Variants in ZNF233 observed in about 807,000 individuals in gnomAD.
ZNF233 encodes zinc finger protein 233.
In ZNF233, 7 loss-of-function variants were observed where a neutral mutation model predicts 11.6. That is an observed-to-expected ratio of 0.60 (90% CI 0.34 to 1.13). The LOEUF is 1.13. Ranked by LOEUF, ZNF233 falls within the 50% of genes most tolerant of loss-of-function variation. ZNF233 has a pLI of 0.03. For synonymous variants in ZNF233, 226 were observed against 268.5 expected (o/e 0.84, Z 1.55); for missense variants, 711 against 785.5 (o/e 0.91, Z 1.13).
rs1248084342 is a variant in ZNF233 at position 44,274,814 on chromosome 19, T to A, written c.*141T>A. On this transcript the variant is annotated 3_prime_UTR_variant, in exon 5 of 5. Coordinates refer to ENST00000683810, the MANE Select transcript of ZNF233 (RefSeq NM_001207005.2). Reference sequence around the variant, plus strand: ...TAAGAATTCATGAGCTGAGTTTTTATAGTTATCTGAATTCCATTGAAGAAA... The same window carrying A: ...TAAGAATTCATGAGCTGAGTTTTTAAAGTTATCTGAATTCCATTGAAGAAA... 5.6e-6 allele frequency: 4 copies of A among 718,322 alleles called. No individual in the cohort carries two copies. Among genetic ancestry groups the A allele is most frequent in the Non-Finnish European group, 8.5e-6 (4 of 470,422 alleles). The allele number at this position is 718,322 out of a possible 1,614,324, so 44.5% of individuals were successfully genotyped here.
chr19:44,273,948 G>C lies in ZNF233; in HGVS notation c.1288G>C (p.Val430Leu), dbSNP rs143616812. 41 of 1,613,682 alleles carry C rather than the reference G, an allele frequency of 2.5e-5. No homozygotes were observed. Among genetic ancestry groups the C allele is most frequent in the Non-Finnish European group, 3.4e-5 (40 of 1,179,876 alleles). The part of the protein sequence containing the change: ...HSRDKTYKWE[V>L]SDRIFNRNSG... ...TAGAGACAAGACATACAAATGGGAA[G>C]TAAGTGACAGGATATTTAATAGGAA... The change falls in exon 5 of 5, where the codon GTA becomes CTA. Residue 430 changes from valine to leucine, a missense_variant. Transcript: ENST00000683810.
chr19:44,274,220 C>A lies in ZNF233; in HGVS notation c.1560C>A (p.Ile520=), dbSNP rs761620973. 6.2e-7 allele frequency: 1 copy of A among 1,605,792 alleles called. No homozygotes were observed. Among genetic ancestry groups the A allele is most frequent in the South Asian group, 1.1e-5 (1 of 90,696 alleles). ...CATGTGGGAAGGACTTCAGTCAGAT[C>A]TCTCATCTTCAGGCCCATCAGAGAG... is the stretch of plus-strand genomic sequence containing the variant. ...CDTCGKDFSQ[I]SHLQAHQRVH... is the part of the protein sequence containing the mutation. Residue 520 remains isoleucine (I), a synonymous_variant, in exon 5 of 5, where the codon ATC becomes ATA. Coordinates refer to ENST00000683810, the MANE Select transcript of ZNF233 (RefSeq NM_001207005.2).
intron 3 of ZNF233, among the ~76,000 whole-genome samples, 153 bp downstream of exon 3, chr19:44,266,477 T>C (rs142035331): frequency 6.6e-6 from 1 of 152,336 alleles, no homozygotes; most frequent in East Asian, 1.9e-4. Flanking sequence ...ACCTTGTCTA[T>C]TTTTCTCAAA....
intron 1 of ZNF233, 21 bp downstream of exon 1, chr19:44,259,959 T>A (rs547473178): frequency 2.0e-4 from 90 of 454,802 alleles, no homozygotes; most frequent in African/African-American, 1.6e-3. Flanking sequence ...GCGGAACCTC[T>A]GCATCTACGG....
intron 1 of ZNF233, among the ~76,000 whole-genome samples, chr19:44,261,871 C>T (rs954643956): frequency 1.3e-5 from 2 of 151,998 alleles, no homozygotes; most frequent in African/African-American, 2.4e-5. Flanking sequence ...AGGCTGGTCT[C>T]GAACTCGTGA....
At chr19:44,270,241 G>A (rs1975199691) in intron 4 of ZNF233, among the ~76,000 whole-genome samples, 1 of 151,746 alleles carries the variant, frequency 6.6e-6, no homozygotes, top group Admixed American at 6.6e-5. Flanking sequence ...AGTTGTGGTG[G>A]CTCACGCCTG....
intron 4 of ZNF233, among the ~76,000 whole-genome samples, chr19:44,268,571 A>G (rs1314721223): frequency 2.6e-5 from 4 of 152,200 alleles, no homozygotes; most frequent in African/African-American, 9.6e-5. Flanking sequence ...CGAATGAGTG[A>G]CTGAATGAGT....
At position 44,274,044 on chromosome 19, in the gene ZNF233, A is replaced by G; in HGVS notation, c.1384A>G (p.Ser462Gly). 6.3e-7 allele frequency: 1 copy of G among 1,597,982 alleles called. No individual in the cohort carries two copies. Among genetic ancestry groups the G allele is most frequent in the Non-Finnish European group, 8.5e-7 (1 of 1,179,438 alleles). ...YKCEVCDKGF[S>G]KASNLQAHQR... ...ATGTGAGGTATGTGATAAGGGCTTC[A>G]GTAAGGCCTCAAATCTTCAAGCCCA... The change falls in exon 5 of 5, where the codon AGT becomes GGT. Residue 462 changes from serine to glycine, a missense_variant. Coordinates refer to ENST00000683810, the MANE Select transcript of ZNF233 (RefSeq NM_001207005.2).
intron 1 of ZNF233, chr19:44,260,292 TTAAGA>T (rs1283843981): frequency 6.3e-6 from 1 of 159,632 alleles, no homozygotes; most frequent in Admixed American, 6.5e-5. Flanking sequence ...TGAGATTTAC[TTAAGA>T]TAAATAGATG....
At position 44,274,731 on chromosome 19, in the gene ZNF233, C is replaced by T. The variant is rs2123074499; in HGVS notation, c.*58C>T. 6 of 1,346,354 alleles carry T rather than the reference C, an allele frequency of 4.5e-6. 1 individual carries two copies. The Admixed American group carries it at 1.4e-4, about 32-fold the overall frequency. 83.4% of individuals were successfully genotyped at this position (1,346,354 alleles called of 1,614,324 possible). A position where few individuals can be genotyped will look rare whatever the true frequency, so the allele number is the denominator to read the frequency against. On this transcript the variant is annotated 3_prime_UTR_variant, in exon 5 of 5. Coordinates refer to ENST00000683810, the MANE Select transcript of ZNF233 (RefSeq NM_001207005.2). ...ATAGGGGTGCTCTTCAAGACTTAGA[C>T]TTCCCATTTTCCTCAGAAAATCCAC...
At chr19:44,261,610 C>T (rs1974938362) in intron 1 of ZNF233, among the ~76,000 whole-genome samples, 1 of 151,316 alleles carries the variant, frequency 6.6e-6, no homozygotes. Flanking sequence ...TTTACATTAT[C>T]CACAGTCTAT....
chr19:44,271,686 A>G (rs994236551), intron 4 of ZNF233, among the ~76,000 whole-genome samples: 4 of 151,594 alleles, frequency 2.6e-5, no homozygotes, highest in Admixed American at 2.0e-4. Context: ...ATTTTTCTGT[A>G]TTTTTAGTAG....
At chr19:44,260,645 T>TA (rs146644096) in intron 1 of ZNF233, among the ~76,000 whole-genome samples, 1,534 of 152,314 alleles carry the variant, frequency 0.01, 14 homozygotes, top group Non-Finnish European at 0.017. Context: ...AGAGTTTAGA[T>TA]ATCTTCCAAC....
At chr19:44,268,513 T>A (rs1975153713) in intron 4 of ZNF233, among the ~76,000 whole-genome samples, 1 of 152,212 alleles carries the variant, frequency 6.6e-6, no homozygotes. Flanking sequence ...CTGATCCTTA[T>A]TGCCTTTAAT....
chr19:44,273,386 C>CT lies in ZNF233; in HGVS notation c.727dup (p.Cys243LeufsTer9), dbSNP rs754033044. 1.2e-6 allele frequency: 2 copies of CT among 1,614,172 alleles called. No homozygotes were observed. The highest frequency in any genetic ancestry group is 2.2e-5 in the South Asian group (2 of 91,072). On this transcript the variant is annotated frameshift_variant, in exon 5 of 5. Transcript: ENST00000683810. LOFTEE classifies it low-confidence loss of function (END_TRUNC). ...TTAGCCACAATAATTGTGGAAAAGA[C>CT]TGTGTGAAGGAATCATCCCAGCATA...
chr19:44,269,402 T>A (rs1975182141), intron 4 of ZNF233, among the ~76,000 whole-genome samples: 1 of 152,090 alleles, frequency 6.6e-6, no homozygotes, highest in Non-Finnish European at 1.5e-5. Flanking sequence ...TTCAAGCGAT[T>A]CTCCTGCCTC....
Position 44,274,844 on chromosome 19 carries a change from A to G in ZNF233, c.*171A>G, listed in dbSNP as rs1975350596. The G allele has an allele frequency of 1.7e-6, 1 of 605,356 alleles. No homozygotes were observed. The highest frequency in any genetic ancestry group is 1.9e-5 in the African/African-American group (1 of 54,050). The allele number at this position is 605,356 out of a possible 1,614,324, so 37.5% of individuals were successfully genotyped here. ...ATCTGAATTCCATTGAAGAAAACCT[A>G]TTTTTGTATGAATATGACCAGTTTC... On this transcript the variant is annotated 3_prime_UTR_variant, in exon 5 of 5. Coordinates refer to ENST00000683810, the MANE Select transcript of ZNF233 (RefSeq NM_001207005.2).
At chr19:44,268,435 A>G (rs6509150) in intron 4 of ZNF233, among the ~76,000 whole-genome samples, 67,205 of 152,068 alleles carry the variant, frequency 0.44, 16,599 homozygotes, top group South Asian at 0.65. Context: ...CTGCAGCTCA[A>G]ACTCCTGGGC....
At position 44,274,000 on chromosome 19, in the gene ZNF233, C is replaced by G; in HGVS notation, c.1340C>G (p.Thr447Ser). Residue 447 changes from threonine (T) to serine (S), a missense_variant, in exon 5 of 5, where the codon ACT becomes AGT. Physicochemically the swap from Thr to Ser is moderately conservative, Grantham distance 58. Coordinates refer to ENST00000683810, the MANE Select transcript of ZNF233 (RefSeq NM_001207005.2). ...TCTGGTCTTCACCAGAGAGTTCACACTGGAGAGAAACCATATAAATGTGAG... is the reference window on the plus strand; with the variant it reads ...TCTGGTCTTCACCAGAGAGTTCACAGTGGAGAGAAACCATATAAATGTGAG... ...RNSGLHQRVH[T>S]GEKPYKCEVC... 6.3e-7 allele frequency: 1 copy of G among 1,597,422 alleles called. No individual in the cohort carries two copies. Among genetic ancestry groups the G allele is most frequent in the Non-Finnish European group, 8.5e-7 (1 of 1,179,212 alleles).
Sources: allele counts gnomAD v4.1 joint callset (sites outside exome capture counted in the v4.1 genomes callset), GRCh38; gene constraint gnomAD v4.1.1; transcripts MANE v1.5; gene names NCBI Gene and HGNC (gene_info 2026-07-23, HGNC 2026-07-21).